Variants in OPHN1 observed in about 807,000 individuals in gnomAD.
The protein encoded by OPHN1 is oligophrenin-1.
In OPHN1, 11 loss-of-function variants were observed where a neutral mutation model predicts 60.7. That is an observed-to-expected ratio of 0.18 (90% CI 0.11 to 0.30). The LOEUF is 0.30. Ranked by LOEUF, OPHN1 falls within the 10% of genes least tolerant of loss-of-function variation. The pLI is 1.00. For synonymous variants in OPHN1, 226 were observed against 222.6 expected (o/e 1.02, Z -0.14); for missense variants, 449 against 611.0 (o/e 0.73, Z 2.80).
At chrX:68,148,363 G>A (rs971617639) in intron 15 of OPHN1, among the ~76,000 whole-genome samples, 3 of 110,737 alleles carry the variant, frequency 2.7e-5, no homozygotes, top group Non-Finnish European at 3.8e-5. Context: ...TATGAAATTG[G>A]AATTTTTCTT....
At chrX:68,379,008 A>C (rs1483341968) in intron 2 of OPHN1, among the ~76,000 whole-genome samples, 3 of 110,699 alleles carry the variant, frequency 2.7e-5, no homozygotes, top group Non-Finnish European at 5.7e-5. Context: ...CATTGAATCT[A>C]TAAATTACCT....
intron 3 of OPHN1, among the ~76,000 whole-genome samples, chrX:68,298,585 G>A (rs2078105946): frequency 9.0e-6 from 1 of 111,619 alleles, no homozygotes; most frequent in African/African-American, 3.3e-5. Flanking sequence ...GAGATGCTAA[G>A]CAACCTGTTC....
chrX:68,347,881 A>G (rs2078386746), intron 2 of OPHN1, among the ~76,000 whole-genome samples: 1 of 112,021 alleles, frequency 8.9e-6, no homozygotes, highest in African/African-American at 3.2e-5. Flanking sequence ...AAGAGAGAAA[A>G]GACACATGGA....
chrX:68,186,096 T>C (rs1273029889), intron 15 of OPHN1, among the ~76,000 whole-genome samples: 1 of 111,342 alleles, frequency 9.0e-6, no homozygotes, highest in Admixed American at 9.6e-5. Flanking sequence ...ATCTGGGATA[T>C]TCCAGAGTTT....
intron 5 of OPHN1, among the ~76,000 whole-genome samples, chrX:68,265,823 A>G (rs1023552039): frequency 9.0e-6 from 1 of 111,498 alleles, no homozygotes; most frequent in African/African-American, 3.3e-5. Flanking sequence ...CAATGCAGAG[A>G]ACTCCTTAAA....
intron 18 of OPHN1, among the ~76,000 whole-genome samples, chrX:68,100,211 T>C (rs898117540): frequency 8.1e-5 from 9 of 110,841 alleles, no homozygotes; most frequent in African/African-American, 3.0e-4. Flanking sequence ...TAGAAGAACA[T>C]AGAACCATCT....
chrX:68,398,406 C>T (rs1307987918), intron 2 of OPHN1, among the ~76,000 whole-genome samples: 2 of 112,126 alleles, frequency 1.8e-5, no homozygotes, highest in Non-Finnish European at 1.9e-5. Flanking sequence ...ATATTTTTCA[C>T]TTGAAATTTT....
chrX:68,215,903 T>C (rs2077606114), intron 6 of OPHN1, among the ~76,000 whole-genome samples: 2 of 110,657 alleles, frequency 1.8e-5, no homozygotes, highest in South Asian at 7.6e-4. Flanking sequence ...AAATGATATG[T>C]CGGAAATATA....
At position 68,367,557 on chromosome X, in the gene OPHN1, G is replaced by T. The variant is rs1238096652; in HGVS notation, c.154+65310C>A. Among the ~76,000 whole-genome samples the T allele has an allele frequency of 3.6e-5, 4 of 111,093 alleles. No homozygotes were observed. The East Asian group carries it at 1.1e-3, about 31-fold the overall frequency. ...ACAGTGGCATTTTTTGTTTTAAAGTGATGGTAGCCTACGTTCCCAGTGTGC... is the reference window on the plus strand; with the variant it reads ...ACAGTGGCATTTTTTGTTTTAAAGTTATGGTAGCCTACGTTCCCAGTGTGC... On this transcript the variant is annotated intron_variant, in intron 2 of 24. Coordinates refer to ENST00000355520, the MANE Select transcript of OPHN1 (RefSeq NM_002547.3).
intron 6 of OPHN1, among the ~76,000 whole-genome samples, chrX:68,226,276 C>G (rs775155702): frequency 1.8e-5 from 2 of 111,349 alleles, no homozygotes; most frequent in Non-Finnish European, 3.8e-5. Flanking sequence ...AAAGTGACGG[C>G]GAGAATGGAA....
intron 2 of OPHN1, among the ~76,000 whole-genome samples, chrX:68,340,205 A>G (rs2078344404): frequency 1.8e-5 from 2 of 112,275 alleles, no homozygotes; most frequent in South Asian, 7.4e-4. Context: ...GCAGAAGTTG[A>G]CATGGTGATC....
intron 2 of OPHN1, among the ~76,000 whole-genome samples, chrX:68,419,739 C>G (rs1298928422): frequency 9.1e-6 from 1 of 110,380 alleles, no homozygotes; most frequent in Non-Finnish European, 1.9e-5. Context: ...CAGGATTTCA[C>G]CATGTTGGCC....
Position 68,197,157 on chromosome X carries a change from G to T in OPHN1, c.1104+29C>A, listed in dbSNP as rs780692394. 1.6e-5 allele frequency: 18 copies of T among 1,119,142 alleles called. No homozygotes were observed. The South Asian group carries it at 3.3e-4, about 20-fold the overall frequency. The allele number at this position is 1,119,142 out of a possible 1,213,427, so 92.2% of individuals were successfully genotyped here. On this transcript the variant is annotated intron_variant, in intron 12 of 24. Coordinates refer to ENST00000355520, the MANE Select transcript of OPHN1 (RefSeq NM_002547.3). ...GCACTCATACACTGGCATATGCTGGGGAGGTTTCCCCAGTGTCAGGTAACT... is the reference window on the plus strand; with the variant it reads ...GCACTCATACACTGGCATATGCTGGTGAGGTTTCCCCAGTGTCAGGTAACT...
chrX:68,133,109 G>A (rs73212849), intron 15 of OPHN1: 29,942 of 580,744 alleles, frequency 0.052, 753 homozygotes, highest in Middle Eastern at 0.095. Flanking sequence ...CATAAAACTA[G>A]AATACAGTCG....
intron 2 of OPHN1, chrX:68,361,118 G>C (rs1243750232): frequency 8.9e-6 from 1 of 111,764 alleles, no homozygotes; most frequent in Non-Finnish European, 1.9e-5. Flanking sequence ...ATTGTTCACA[G>C]TCAGTTACAA....
At chrX:68,309,873 G>C (rs7061419) in intron 2 of OPHN1, among the ~76,000 whole-genome samples, 7,717 of 111,621 alleles carry the variant, frequency 0.069, 664 homozygotes, top group African/African-American at 0.24. Context: ...AGGAAAGAAG[G>C]CTGAGACATC....
chrX:68,386,022 A>G (rs2078622746), intron 2 of OPHN1, among the ~76,000 whole-genome samples: 1 of 112,020 alleles, frequency 8.9e-6, no homozygotes, highest in African/African-American at 3.2e-5. Flanking sequence ...ATAATTTACT[A>G]TTTTTAATGC....
intron 15 of OPHN1, among the ~76,000 whole-genome samples, chrX:68,172,822 C>T (rs944005269): frequency 1.8e-5 from 2 of 111,083 alleles, no homozygotes; most frequent in Non-Finnish European, 3.8e-5. Flanking sequence ...TATGCTGTCT[C>T]GGTATCCGTT....
intron 2 of OPHN1, among the ~76,000 whole-genome samples, chrX:68,335,598 GGAAATCAT>G (rs1333092447): frequency 1.3e-4 from 15 of 111,864 alleles, no homozygotes; most frequent in African/African-American, 4.9e-4. Flanking sequence ...ATGAGACCTT[GGAAATCAT>G]CTAACCCTGT....
Sources: gnomAD v4.1 joint callset for allele counts (sites outside exome capture counted in the v4.1 genomes callset) on GRCh38, gnomAD v4.1.1 for gene constraint, MANE v1.5 for transcripts, NCBI Gene and HGNC (gene_info 2026-07-23, HGNC 2026-07-21) for gene names.